Variants in DCHS1 observed in about 807,000 individuals in gnomAD.
The protein encoded by DCHS1 is dachsous cadherin-related 1.
Under a neutral mutation model 213.9 loss-of-function variants are expected in DCHS1, and 78 were observed. The observed-to-expected ratio is 0.36, with a 90% CI of 0.30 to 0.44. The LOEUF is 0.44. Among genes scored for constraint, DCHS1 ranks in the 20% least tolerant of loss-of-function variants. The probability of loss-of-function intolerance (pLI) is 1.00; values close to 1 mark genes in which losing one functional copy is unlikely to be tolerated. For missense variants in DCHS1, 3,946 were observed against 4,395.9 expected, an observed-to-expected ratio of 0.90 and a Z score of 2.89; for synonymous variants, 1,828 against 1,873.7, an observed-to-expected ratio of 0.98 and a Z score of 0.63.
At position 6,630,143 on chromosome 11, in the gene DCHS1, G is replaced by T. The variant is rs1224607907; in HGVS notation, c.4651C>A (p.Arg1551Ser). ...GGCTGGTCCTCTGGGAGGCGCACGC[G>T]TGACGGCGAGGCGAAGACAGGCGCG... ...DNAPVFASPS[R>S]VRLPEDQPPG... is the part of the protein sequence containing the mutation. Residue 1551 changes from arginine (R) to serine (S), a missense_variant, in exon 10 of 21, where the codon CGC becomes AGC. Coordinates refer to ENST00000299441, the MANE Select transcript of DCHS1 (RefSeq NM_003737.4). The T allele has an allele frequency of 1.0e-5, 16 of 1,604,516 alleles. No homozygotes were observed. The highest frequency in any genetic ancestry group is 1.0e-5 in the Non-Finnish European group (12 of 1,174,972).
chr11:6,644,569 T>C (rs938294970), intron 1 of DCHS1, among the ~76,000 whole-genome samples: 2 of 152,226 alleles, frequency 1.3e-5, no homozygotes, highest in African/African-American at 4.8e-5. Context: ...CACAGCAGCC[T>C]CGATTTGTTC....
intron 1 of DCHS1, among the ~76,000 whole-genome samples, chr11:6,650,667 A>G (rs145388277): frequency 1.0e-3 from 155 of 152,258 alleles, no homozygotes; most frequent in African/African-American, 3.1e-3. Flanking sequence ...AGGGCATTAA[A>G]GGAAGGAGCA....
chr11:6,641,805 A>G lies in DCHS1; in HGVS notation c.-120-72T>C. On this transcript the variant is annotated intron_variant, in intron 1 of 20. Coordinates refer to ENST00000299441, the MANE Select transcript of DCHS1 (RefSeq NM_003737.4). The surrounding 1 kb of genome is among the most constrained non-coding windows in gnomAD (Gnocchi z 7.1). The stretch of plus-strand genomic sequence containing the variant: ...CAGTCCAGATAACCTGGACGAGGCC[A>G]CATCAACATTCAGATATGCTCAGCC... 2 of 1,274,510 alleles carry G rather than the reference A, an allele frequency of 1.6e-6. No homozygotes were observed. The highest frequency in any genetic ancestry group is 2.1e-6 in the Non-Finnish European group (2 of 957,206). The allele number at this position is 1,274,510 out of a possible 1,614,324, so 79.0% of individuals were successfully genotyped here.
In DCHS1 at chr11:6,631,985, TG is replaced by T. The variant is rs770607827; in HGVS notation, c.3481+45del. ...GATCCTGTCTGAATGTTCACCAGGC[TG>T]GGGATAAGGCTATGCGGTCTCAGGA... On this transcript the variant is annotated intron_variant, in intron 6 of 20. Transcript: ENST00000299441. 11 of 1,485,064 alleles carry T rather than the reference TG, an allele frequency of 7.4e-6. No individual in the cohort carries two copies. The South Asian group carries it at 1.5e-4, about 21-fold the overall frequency. 92.0% of individuals were successfully genotyped at this position (1,485,064 alleles called of 1,614,324 possible).
chr11:6,654,188 C>T (rs1421088956), intron 1 of DCHS1, among the ~76,000 whole-genome samples: 1 of 152,152 alleles, frequency 6.6e-6, no homozygotes, highest in African/African-American at 2.4e-5. Flanking sequence ...GAAGTTGGGA[C>T]AGGTCTTCCT....
In DCHS1 at chr11:6,623,515, G is replaced by C; in HGVS notation, c.8161C>G (p.Pro2721Ala). ...LSTSVAENQPPGTLVTTLHAI... is the reference protein window; with the variant it reads ...LSTSVAENQPAGTLVTTLHAI... ...TGCAGAGTGGTCACGAGAGTGCCTG[G>C]AGGCTGATTCTCGGCCACGCTGGTG... Residue 2721 changes from proline (P) to alanine (A), a missense_variant, in exon 21 of 21, where the codon CCA (proline) becomes GCA (alanine). Pro to Ala is a conservative substitution (Grantham distance 27). Around this residue, in one of 3 missense-constraint regions of DCHS1, gnomAD observed 3,384 missense variants for 3,780.1 expected, o/e 0.90. Transcript: ENST00000299441. 3 of 1,604,200 alleles carry C rather than the reference G, an allele frequency of 1.9e-6. No individual in the cohort carries two copies. Among genetic ancestry groups the C allele is most frequent in the Non-Finnish European group, 2.6e-6 (3 of 1,175,462 alleles).
Position 6,630,108 on chromosome 11 carries a change from G to A in DCHS1, c.4686C>T (p.Pro1562=), listed in dbSNP as rs1589955745. ...VRLPEDQPPG[P]AALHVVARDP... Reference sequence around the variant, plus strand: ...CCCGGGCTACCACGTGCAGGGCCGCGGGCCCAGGCGGCTGGTCCTCTGGGA... The same window carrying A: ...CCCGGGCTACCACGTGCAGGGCCGCAGGCCCAGGCGGCTGGTCCTCTGGGA... Residue 1562 remains proline, a synonymous_variant, in exon 10 of 21, where the codon CCC becomes CCT. Transcript: ENST00000299441. The A allele has an allele frequency of 1.9e-6, 3 of 1,603,036 alleles. No individual in the cohort carries two copies. The highest frequency in any genetic ancestry group is 2.6e-6 in the Non-Finnish European group (3 of 1,173,452).
intron 4 of DCHS1, 60 bp from the exon 5 acceptor site, chr11:6,633,708 T>C: frequency 6.2e-7 from 1 of 1,603,644 alleles, no homozygotes; most frequent in Non-Finnish European, 8.5e-7. Context: ...AGAAAGGTTA[T>C]GGAGGAGGTG....
rs567777527 is a variant in DCHS1 at position 6,626,893 on chromosome 11, G to A, written c.6146C>T (p.Ser2049Phe). The stretch of plus-strand genomic sequence containing the variant: ...TCCAACAATGATCACACCAGTGGCA[G>A]AGCGAGCTGGACGGCCAAGATCAGT... Reference protein sequence around the residue: ...VATDLGRPARSATGVIIVGLQ... With the variant: ...VATDLGRPARFATGVIIVGLQ... The change falls in exon 14 of 21, where the codon TCT (serine) becomes TTT (phenylalanine). Residue 2049 changes from serine (S) to phenylalanine (F), a missense_variant. Physicochemically the swap from Ser to Phe is radical, Grantham distance 155. Coordinates refer to ENST00000299441, the MANE Select transcript of DCHS1 (RefSeq NM_003737.4). The surrounding 1 kb of genome is among the most constrained non-coding windows in gnomAD (Gnocchi z 5.2). 3 of 1,613,430 alleles carry A rather than the reference G, an allele frequency of 1.9e-6. No homozygotes were observed. The highest frequency in any genetic ancestry group is 2.2e-5 in the South Asian group (2 of 91,076).
At chr11:6,653,878 G>C (rs1484397371) in intron 1 of DCHS1, among the ~76,000 whole-genome samples, 2 of 152,206 alleles carry the variant, frequency 1.3e-5, no homozygotes, top group African/African-American at 4.8e-5. Context: ...AGTGTAATGG[G>C]AGCGAGAACA....
At position 6,640,630 on chromosome 11, in the gene DCHS1, A is replaced by G. The variant is rs1856056230; in HGVS notation, c.984T>C (p.His328=). Residue 328 remains histidine (H), a synonymous_variant, in exon 2 of 21, where the codon CAT becomes CAC. Coordinates refer to ENST00000299441, the MANE Select transcript of DCHS1 (RefSeq NM_003737.4). This position sits in a 1 kb window ranked among gnomAD's most constrained non-coding sequence, Gnocchi z 6.5. ...CATCTCGTGCTTGCACCACCAGTTC[A>G]TGGACCCGCCGCTGCTCAAAGTCCA... ...RPLDFEQRRV[H]ELVVQARDGG... is the part of the protein sequence containing the mutation. 6 of 1,610,324 alleles carry G rather than the reference A, an allele frequency of 3.7e-6. No individual in the cohort carries two copies. The highest frequency in any genetic ancestry group is 5.1e-6 in the Non-Finnish European group (6 of 1,179,844).
rs371184418 is a variant in DCHS1, at chr11:6,633,779, G to A, written c.2218+10C>T. ...CTGGGGGAAGGCCCCGGGAATGGGA[G>A]GATCCTCACCTGATTGCTCATCCAA... On this transcript the variant is annotated intron_variant, in intron 4 of 20. Coordinates refer to ENST00000299441, the MANE Select transcript of DCHS1 (RefSeq NM_003737.4). The A allele has an allele frequency of 3.4e-5, 55 of 1,610,720 alleles. No homozygotes were observed. The African/African-American group carries it at 7.1e-4, about 21-fold the overall frequency.
chr11:6,642,336 A>C (rs1202455883), intron 1 of DCHS1, among the ~76,000 whole-genome samples: 1 of 152,180 alleles, frequency 6.6e-6, no homozygotes, highest in Non-Finnish European at 1.5e-5. Context: ...GGCTTCATAG[A>C]GCTTATAGTC....
chr11:6,628,592 G>C lies in DCHS1; in HGVS notation c.5371+29C>G. ...AGCAAGAACCAGGCAAGTGGGTGCT[G>C]AATTAAGTGGGAGTGGGAAGGTTCT... On this transcript the variant is annotated intron_variant, in intron 13 of 20. Transcript: ENST00000299441. This position sits in a 1 kb window ranked among gnomAD's most constrained non-coding sequence, Gnocchi z 4.3. 6.2e-7 allele frequency: 1 copy of C among 1,612,502 alleles called. No individual in the cohort carries two copies. The highest frequency in any genetic ancestry group is 8.5e-7 in the Non-Finnish European group (1 of 1,179,012).
chr11:6,641,629 G>C lies in DCHS1; in HGVS notation c.-16C>G. ...CCTTCTGCATGACAAGGGTAGTCCA[G>C]CTGTGCCTTGGGCTCCAGCTCCAGG... On this transcript the variant is annotated 5_prime_UTR_variant, in exon 2 of 21. Transcript: ENST00000299441. The surrounding 1 kb of genome is among the most constrained non-coding windows in gnomAD (Gnocchi z 7.1). The C allele has an allele frequency of 3.9e-6, 6 of 1,526,788 alleles. No individual in the cohort carries two copies. The highest frequency in any genetic ancestry group is 5.3e-6 in the Non-Finnish European group (6 of 1,131,770). The allele number at this position is 1,526,788 out of a possible 1,614,324, so 94.6% of individuals were successfully genotyped here.
rs1348609400 is a variant in DCHS1 at position 6,631,656 on chromosome 11, A to G, written c.3635T>C (p.Leu1212Pro). 1.2e-6 allele frequency: 2 copies of G among 1,601,964 alleles called. No homozygotes were observed. The highest frequency in any genetic ancestry group is 2.2e-5 in the South Asian group (2 of 88,942). Residue 1212 changes from leucine to proline, a missense_variant, in exon 7 of 21, where the codon CTG (leucine) becomes CCG (proline). Coordinates refer to ENST00000299441, the MANE Select transcript of DCHS1 (RefSeq NM_003737.4). ...LDLNDNSPTF[L>P]QASGAAGGGL... is the part of the protein sequence containing the mutation. ...CCCACCAGCAGCTCCTGAAGCCTGC[A>G]GGAACGTGGGGCTGTTGTCGTTGAG... is the stretch of plus-strand genomic sequence containing the variant.
intron 2 of DCHS1, among the ~76,000 whole-genome samples, chr11:6,637,367 A>C (rs1386631335): frequency 6.6e-6 from 1 of 152,202 alleles, no homozygotes; most frequent in East Asian, 1.9e-4. Flanking sequence ...AAATTTCTCT[A>C]GATATTGCTA....
Position 6,630,572 on chromosome 11 carries a change from G to T in DCHS1, c.4222C>A (p.Arg1408Ser), listed in dbSNP as rs772193454. ...AGPPWRALTV[R>S]AEGPGGAGAR... is the part of the protein sequence containing the mutation. Reference sequence around the variant, plus strand: ...CCCGCGCCTCCCGGCCCCTCAGCGCGTACCGTAAGCGCGCGCCACGGCGGG... The same window carrying T: ...CCCGCGCCTCCCGGCCCCTCAGCGCTTACCGTAAGCGCGCGCCACGGCGGG... Residue 1408 changes from arginine to serine, a missense_variant, in exon 10 of 21, where the codon CGC becomes AGC. Coordinates refer to ENST00000299441, the MANE Select transcript of DCHS1 (RefSeq NM_003737.4). 6.5e-7 allele frequency: 1 copy of T among 1,540,936 alleles called. No homozygotes were observed. Among genetic ancestry groups the T allele is most frequent in the South Asian group, 1.2e-5 (1 of 84,564 alleles).
rs779864511 is a variant in DCHS1, at chr11:6,629,735, A to G, written c.4972T>C (p.Leu1658=). 7.4e-6 allele frequency: 12 copies of G among 1,613,904 alleles called. No homozygotes were observed. Among genetic ancestry groups the G allele is most frequent in the South Asian group, 1.1e-5 (1 of 91,084 alleles). The change falls in exon 11 of 21, where the codon TTG becomes CTG. Residue 1658 remains leucine, a synonymous_variant. Transcript: ENST00000299441. The part of the protein sequence containing the change: ...TFQQQEYSVL[L]RENNPPGTSL... ...GTGCCAGGAGGGTTGTTCTCACGCAAGAGGACGCTGTACTCCTGCTGCTGG... is the reference window on the plus strand; with the variant it reads ...GTGCCAGGAGGGTTGTTCTCACGCAGGAGGACGCTGTACTCCTGCTGCTGG...
Sources: gnomAD v4.1 joint callset for allele counts (sites outside exome capture counted in the v4.1 genomes callset) on GRCh38, gnomAD v4.1.1 for gene constraint, gnomAD v4.1.1 regional missense constraint, Gnocchi (gnomAD v3.1) non-coding constraint, MANE v1.5 for transcripts, NCBI Gene and HGNC (gene_info 2026-07-23, HGNC 2026-07-21) for gene names.